Variants in STXBP4 observed in about 807,000 individuals in gnomAD.
STXBP4 encodes syntaxin-binding protein 4.
Under a neutral mutation model 76.1 loss-of-function variants are expected in STXBP4, and 55 were observed. That is an observed-to-expected ratio of 0.72 (90% CI 0.58 to 0.91). The LOEUF is 0.91. STXBP4 is among the 40% of genes least tolerant of loss of function. The pLI is 0.00. For missense variants in STXBP4, 618 were observed against 636.9 expected, an observed-to-expected ratio of 0.97 and a Z score of 0.32; for synonymous variants, 201 against 220.2, an observed-to-expected ratio of 0.91 and a Z score of 0.77.
chr17:55,187,794 G>C, the STXBP4 span, among the ~76,000 whole-genome samples: 3 of 152,198 alleles, frequency 2.0e-5, no homozygotes, highest in Non-Finnish European at 4.4e-5. Flanking sequence ...GACTTAGAGA[G>C]AATGAAAGCA....
chr17:55,114,591 A>T lies in STXBP4; in HGVS notation c.1490-26719A>T, dbSNP rs117188776. Reference sequence around the variant, plus strand: ...TAGCCTAACTGTTAACTGTTTAAGTAATCAAAATTCCTATGGAAAACAGTT... The same window carrying T: ...TAGCCTAACTGTTAACTGTTTAAGTTATCAAAATTCCTATGGAAAACAGTT... On this transcript the variant is annotated intron_variant, in intron 16 of 17. Coordinates refer to ENST00000376352, the MANE Select transcript of STXBP4 (RefSeq NM_178509.6). Among the ~76,000 whole-genome samples, 512 of 152,180 alleles carry T rather than the reference A, an allele frequency of 3.4e-3. 12 individuals carry two copies. Among genetic ancestry groups the T allele is most frequent in the East Asian group, 0.025 (132 of 5,192 alleles).
At chr17:55,064,277 C>G (rs1355035959) in intron 12 of STXBP4, among the ~76,000 whole-genome samples, 2 of 152,080 alleles carry the variant, frequency 1.3e-5, no homozygotes, top group Non-Finnish European at 2.9e-5. Flanking sequence ...CAGCTGATTT[C>G]CTGATGTGGT....
At chr17:55,021,905 A>G (rs1358412673) in intron 8 of STXBP4, among the ~76,000 whole-genome samples, 3 of 152,296 alleles carry the variant, frequency 2.0e-5, no homozygotes, top group African/African-American at 7.2e-5. Context: ...TTCAGGCAAT[A>G]ATTCCTCATT....
Position 55,140,032 on chromosome 17 carries a change from G to A in STXBP4, c.1490-1278G>A, listed in dbSNP as rs149911011. 3.3e-3 allele frequency among the ~76,000 whole-genome samples: 509 copies of A among 152,212 alleles called. 2 individuals carry two copies. The highest frequency in any genetic ancestry group is 0.011 in the African/African-American group (472 of 41,558). On this transcript the variant is annotated intron_variant, in intron 16 of 17. Transcript: ENST00000376352. The stretch of plus-strand genomic sequence containing the variant: ...AAATAGTTACTGTTAGGCCAAGCAC[G>A]GTGGCTCACAACAATAATTCTATCA...
At chr17:54,987,241 A>G (rs1448398289) in intron 3 of STXBP4, among the ~76,000 whole-genome samples, 3 of 152,226 alleles carry the variant, frequency 2.0e-5, no homozygotes, top group African/African-American at 7.2e-5. Context: ...CTGTTATTCT[A>G]GTCTTCACTG....
intron 4 of STXBP4, among the ~76,000 whole-genome samples, chr17:54,995,966 G>T (rs1256642771): frequency 6.6e-6 from 1 of 152,026 alleles, no homozygotes; most frequent in East Asian, 1.9e-4. Context: ...TGAAAGAATT[G>T]GTGATTCTGG....
intron 16 of STXBP4, among the ~76,000 whole-genome samples, chr17:55,115,798 G>A (rs935694725): frequency 6.6e-6 from 1 of 151,808 alleles, no homozygotes. Context: ...CTGAATAATA[G>A]GAACATTTGT....
At chr17:55,047,195 T>C in intron 12 of STXBP4, 41 bp downstream of exon 12, 1 of 985,314 alleles carries the variant, frequency 1.0e-6, no homozygotes, top group Non-Finnish European at 1.5e-6. Flanking sequence ...CGTGTGTGTG[T>C]GTGTGTGTGT....
At chr17:55,150,244 G>A (rs989135745) in intron 17 of STXBP4, among the ~76,000 whole-genome samples, 6 of 152,140 alleles carry the variant, frequency 3.9e-5, no homozygotes, top group Non-Finnish European at 7.3e-5. Context: ...TTTTCTCACA[G>A]AAGTCCCAAG....
At chr17:55,135,571 ATT>A (rs1039533094) in intron 16 of STXBP4, among the ~76,000 whole-genome samples, 5 of 152,114 alleles carry the variant, frequency 3.3e-5, no homozygotes, top group Non-Finnish European at 5.9e-5. Context: ...TTATTTGGTT[ATT>A]TATAGGTGGC....
At chr17:54,995,453 A>G (rs149227372) in intron 4 of STXBP4, among the ~76,000 whole-genome samples, 1 of 152,366 alleles carries the variant, frequency 6.6e-6, no homozygotes, top group African/African-American at 2.4e-5. Flanking sequence ...GATATACATT[A>G]AAACATATAC....
intron 3 of STXBP4, 38 bp downstream of exon 3, chr17:54,986,304 G>T: frequency 1.4e-6 from 2 of 1,447,754 alleles, no homozygotes; most frequent in South Asian, 2.4e-5. Context: ...AATATAGTTT[G>T]AAATATGTAA....
chr17:55,197,215 A>G, the STXBP4 span, among the ~76,000 whole-genome samples: 3 of 152,238 alleles, frequency 2.0e-5, no homozygotes, highest in Non-Finnish European at 4.4e-5. Context: ...TGCAGACAAG[A>G]TGGAGAACTG....
intron 16 of STXBP4, among the ~76,000 whole-genome samples, chr17:55,082,546 A>G (rs551041837): frequency 1.3e-5 from 2 of 152,168 alleles, no homozygotes; most frequent in African/African-American, 4.8e-5. Flanking sequence ...ACACAGAACA[A>G]TTCTTTGTTG....
chr17:55,157,746 A>G (rs555096654), intron 17 of STXBP4, among the ~76,000 whole-genome samples: 2 of 152,344 alleles, frequency 1.3e-5, no homozygotes, highest in Admixed American at 6.5e-5. Flanking sequence ...AACAAAATGT[A>G]TACTATAGGA....
intron 3 of STXBP4, among the ~76,000 whole-genome samples, chr17:54,988,388 A>C (rs982691458): frequency 2.0e-5 from 3 of 152,138 alleles, no homozygotes; most frequent in African/African-American, 7.2e-5. Flanking sequence ...TAGTGGAGAG[A>C]TCTAATAAGG....
intron 16 of STXBP4, among the ~76,000 whole-genome samples, chr17:55,105,052 G>C (rs2079613971): frequency 6.6e-6 from 1 of 152,006 alleles, no homozygotes; most frequent in South Asian, 2.1e-4. Context: ...TATCTATTTT[G>C]TTAATCTTCT....
At chr17:55,081,216 G>A (rs995531545) in intron 16 of STXBP4, 33 bp downstream of exon 16, 3 of 1,373,774 alleles carry the variant, frequency 2.2e-6, no homozygotes, top group African/African-American at 3.0e-5. Context: ...CTTTTTAAAA[G>A]TAATTTATTT....
chr17:55,067,111 T>G (rs191377562), intron 12 of STXBP4, among the ~76,000 whole-genome samples: 1 of 152,306 alleles, frequency 6.6e-6, no homozygotes, highest in East Asian at 1.9e-4. Context: ...TCAACTCAGT[T>G]ATATCTCATT....
Sources: allele counts gnomAD v4.1 joint callset (sites outside exome capture counted in the v4.1 genomes callset), GRCh38; gene constraint gnomAD v4.1.1; transcripts MANE v1.5; gene names NCBI Gene and HGNC (gene_info 2026-07-23, HGNC 2026-07-21).